The following LRRC8B variants were observed in gnomAD, a reference collection of about 807,000 sequenced individuals.
The protein encoded by LRRC8B is leucine rich repeat containing 8 VRAC subunit B, also known as volume-regulated anion channel subunit LRRC8B.
A neutral mutation model predicts 58.8 loss-of-function variants in LRRC8B; 23 were observed. The ratio of observed to expected loss-of-function variants is 0.39; its 90% CI spans 0.28 to 0.55. The LOEUF is 0.55. Ranked by LOEUF, LRRC8B falls within the 20% of genes least tolerant of loss-of-function variation. The pLI is 0.62. For missense variants in LRRC8B, 694 were observed against 936.0 expected, an observed-to-expected ratio of 0.74 and a Z score of 3.37; for synonymous variants, 359 against 374.1, an observed-to-expected ratio of 0.96 and a Z score of 0.47.
intron 1 of LRRC8B, among the ~76,000 whole-genome samples, chr1:89,539,665 T>C (rs1341245942): frequency 1.3e-5 from 2 of 152,232 alleles, no homozygotes; most frequent in Admixed American, 6.5e-5. Flanking sequence ...CATATTCCAT[T>C]GGAGGGAATC....
At chr1:89,575,713 T>C in intron 3 of LRRC8B, among the ~76,000 whole-genome samples, 1 of 152,176 alleles carries the variant, frequency 6.6e-6, no homozygotes, top group Admixed American at 6.5e-5. Context: ...ATTTAATTAT[T>C]ACATAAATAT....
At chr1:89,540,495 A>G (rs1377287303) in intron 1 of LRRC8B, among the ~76,000 whole-genome samples, 5 of 152,212 alleles carry the variant, frequency 3.3e-5, no homozygotes, top group Non-Finnish European at 7.3e-5. Flanking sequence ...AAAAACCCAC[A>G]CAGTGTAACC....
chr1:89,548,610 T>C (rs987582014), intron 1 of LRRC8B, among the ~76,000 whole-genome samples: 2 of 152,158 alleles, frequency 1.3e-5, no homozygotes, highest in African/African-American at 2.4e-5. Context: ...AAACAGCAGA[T>C]GCAAACTCAG....
chr1:89,561,984 T>C (rs1378934070), intron 1 of LRRC8B, among the ~76,000 whole-genome samples: 1 of 152,162 alleles, frequency 6.6e-6, no homozygotes, highest in Non-Finnish European at 1.5e-5. Flanking sequence ...CCAGAGACTA[T>C]GGAAGTAACA....
Position 89,593,104 on chromosome 1 carries a change from G to A in LRRC8B, c.*61G>A, listed in dbSNP as rs1435169534. The A allele has an allele frequency of 6.5e-7, 1 of 1,542,138 alleles. No individual in the cohort carries two copies. On this transcript the variant is annotated 3_prime_UTR_variant, in exon 6 of 6. Transcript: ENST00000330947. ...TTAAAAGTATGCTCGGCCGGGCGTG[G>A]TGGCTCATGCCTATAATCCCAGCAC... is the stretch of plus-strand genomic sequence containing the variant.
At chr1:89,551,892 G>A (rs1018394416) in intron 1 of LRRC8B, among the ~76,000 whole-genome samples, 1 of 152,110 alleles carries the variant, frequency 6.6e-6, no homozygotes, top group Admixed American at 6.5e-5. Flanking sequence ...AGGCTCTCAA[G>A]TGTTTCTAGA....
chr1:89,552,693 G>T (rs1281375160), intron 1 of LRRC8B, among the ~76,000 whole-genome samples: 4 of 152,134 alleles, frequency 2.6e-5, no homozygotes, highest in Non-Finnish European at 4.4e-5. Flanking sequence ...TTATACCAGA[G>T]TTGATTTACT....
rs1461073648 is a variant in LRRC8B at position 89,584,525 on chromosome 1, G to A, written c.1875G>A (p.Glu625=). The change falls in exon 5 of 6, where the codon GAG becomes GAA. Residue 625 remains glutamate, a synonymous_variant. Transcript: ENST00000330947. The part of the protein sequence containing the change: ...LRENNLKTVE[E]IISFQHLQNL... ...AAAATAACCTTAAAACTGTGGAAGA[G>A]ATCATTAGCTTTCAGCATCTTCAGA... 1.6e-5 allele frequency: 26 copies of A among 1,614,090 alleles called. No homozygotes were observed. Among genetic ancestry groups the A allele is most frequent in the Admixed American group, 3.3e-5 (2 of 60,010 alleles).
At chr1:89,552,985 T>A (rs1651932943) in intron 1 of LRRC8B, among the ~76,000 whole-genome samples, 1 of 152,238 alleles carries the variant, frequency 6.6e-6, no homozygotes, top group Non-Finnish European at 1.5e-5. Context: ...TTTCACAATA[T>A]GATCATATTT....
chr1:89,533,439 C>A (rs1447797269), intron 1 of LRRC8B, among the ~76,000 whole-genome samples: 1 of 152,212 alleles, frequency 6.6e-6, no homozygotes. Context: ...GAGGAAGGTT[C>A]TAGATAGCCA....
chr1:89,593,936 A>G lies in LRRC8B; in HGVS notation c.*893A>G, dbSNP rs762857797. 2.0e-5 allele frequency: 3 copies of G among 152,222 alleles called. No individual in the cohort carries two copies. The highest frequency in any genetic ancestry group is 2.9e-5 in the Non-Finnish European group (2 of 68,048). The allele number at this position is 152,222 out of a possible 1,614,324, so 9.4% of individuals were successfully genotyped here. ...TTAACCTGGTTTTCTCTTAACACCA[A>G]TGATGAACCCTGAGAAAATGCCTGC... On this transcript the variant is annotated 3_prime_UTR_variant, in exon 6 of 6. Transcript: ENST00000330947.
chr1:89,581,606 ATGT>A (rs1232180998), intron 4 of LRRC8B, among the ~76,000 whole-genome samples: 1 of 152,228 alleles, frequency 6.6e-6, no homozygotes, highest in African/African-American at 2.4e-5. Flanking sequence ...ATTCTCAGGA[ATGT>A]TGTCTGAATA....
intron 1 of LRRC8B, among the ~76,000 whole-genome samples, chr1:89,534,873 GA>G (rs143939836): frequency 6.6e-5 from 10 of 151,938 alleles, no homozygotes; most frequent in African/African-American, 2.4e-4. Flanking sequence ...TCTAAGCAAA[GA>G]AATAGAAACT....
At chr1:89,542,865 T>C (rs1008725001) in intron 1 of LRRC8B, among the ~76,000 whole-genome samples, 1 of 152,244 alleles carries the variant, frequency 6.6e-6, no homozygotes, top group Non-Finnish European at 1.5e-5. Flanking sequence ...TGTTAGGGCC[T>C]ATGTGTCCTC....
At chr1:89,553,459 T>C (rs1394602689) in intron 1 of LRRC8B, among the ~76,000 whole-genome samples, 1 of 152,152 alleles carries the variant, frequency 6.6e-6, no homozygotes, top group Non-Finnish European at 1.5e-5. Flanking sequence ...TGGCACCCTT[T>C]TGTGTGTGTG....
At chr1:89,586,689 C>G (rs1654647805) in intron 5 of LRRC8B, among the ~76,000 whole-genome samples, 1 of 152,118 alleles carries the variant, frequency 6.6e-6, no homozygotes. Flanking sequence ...CAGGAAAAGT[C>G]TTACGCTGAA....
intron 1 of LRRC8B, among the ~76,000 whole-genome samples, chr1:89,545,990 G>C (rs950254313): frequency 3.9e-5 from 6 of 152,158 alleles, no homozygotes; most frequent in Non-Finnish European, 7.4e-5. Context: ...CATTGTTGGA[G>C]CTGGGTAAAT....
intron 1 of LRRC8B, among the ~76,000 whole-genome samples, chr1:89,538,176 A>C (rs1382568090): frequency 6.6e-6 from 1 of 152,194 alleles, no homozygotes; most frequent in Non-Finnish European, 1.5e-5. Context: ...CCAGCTACTC[A>C]GGAGACCAGT....
intron 1 of LRRC8B, among the ~76,000 whole-genome samples, chr1:89,528,950 T>A (rs183954947): frequency 6.6e-6 from 1 of 152,322 alleles, no homozygotes; most frequent in Non-Finnish European, 1.5e-5. Flanking sequence ...GTAGCTGGAA[T>A]AGAGACTGGG....
Sources: gnomAD v4.1 joint callset for allele counts (sites outside exome capture counted in the v4.1 genomes callset) on GRCh38, gnomAD v4.1.1 for gene constraint, MANE v1.5 for transcripts, NCBI Gene and HGNC (gene_info 2026-07-23, HGNC 2026-07-21) for gene names.